The following AK5 variants were observed in gnomAD, a reference collection of about 807,000 sequenced individuals.
AK5 encodes the protein adenylate kinase 5.
A neutral mutation model predicts 69.5 loss-of-function variants in AK5; 27 were observed. The observed-to-expected ratio is 0.39, with a 90% CI of 0.29 to 0.54. The LOEUF (loss-of-function observed/expected upper bound fraction) is 0.54. Ranked by LOEUF, AK5 falls within the 20% of genes least tolerant of loss-of-function variation. The pLI is 0.71. For missense variants in AK5, 531 were observed against 700.4 expected (o/e 0.76, Z 2.73); for synonymous variants, 260 against 244.4 (o/e 1.06, Z -0.60).
intron 8 of AK5, chr1:77,417,941 G>C (rs1557577262): frequency 2.6e-6 from 1 of 391,360 alleles, no homozygotes; most frequent in East Asian, 5.4e-5. Context: ...TTAAAGAAAG[G>C]TTTATCATCA....
At chr1:77,344,755 T>C (rs1246532452) in intron 6 of AK5, among the ~76,000 whole-genome samples, 1 of 152,124 alleles carries the variant, frequency 6.6e-6, no homozygotes, top group Non-Finnish European at 1.5e-5. Context: ...TTTTAATTTA[T>C]ATTTATTGTA....
chr1:77,331,095 A>G (rs185628431), intron 5 of AK5, among the ~76,000 whole-genome samples: 24 of 152,202 alleles, frequency 1.6e-4, no homozygotes, highest in African/African-American at 5.5e-4. Context: ...TATGCAGACC[A>G]TGCTAAATTT....
intron 8 of AK5, among the ~76,000 whole-genome samples, chr1:77,469,878 T>A (rs962210247): frequency 1.2e-4 from 19 of 152,092 alleles, no homozygotes; most frequent in Non-Finnish European, 2.6e-4. Flanking sequence ...CGGGGGAAAA[T>A]AATCACCTCT....
At chr1:77,546,394 C>G (rs1659545688) in intron 13 of AK5, among the ~76,000 whole-genome samples, 3 of 152,144 alleles carry the variant, frequency 2.0e-5, no homozygotes, top group Admixed American at 2.0e-4. Flanking sequence ...CTGGGCATCT[C>G]TAAGGTCCAA....
At position 77,363,202 on chromosome 1, in the gene AK5, C is replaced by T. The variant is rs187864041; in HGVS notation, c.891+22634C>T. Among the ~76,000 whole-genome samples the T allele has an allele frequency of 2.6e-5, 4 of 152,306 alleles. No individual in the cohort carries two copies. The East Asian group carries it at 7.7e-4, about 29-fold the overall frequency. On this transcript the variant is annotated intron_variant, in intron 6 of 13. Transcript: ENST00000354567. Reference sequence around the variant, plus strand: ...ACAACCCTATGCTACTACCAGTCTTCTCCATTTCTGTTGGTGGCACCTCTA... The same window carrying T: ...ACAACCCTATGCTACTACCAGTCTTTTCCATTTCTGTTGGTGGCACCTCTA...
chr1:77,340,650 CCTCTTTACCTTAAAA>C, intron 6 of AK5, 82 bp downstream of exon 6: 2 of 1,331,272 alleles, frequency 1.5e-6, no homozygotes, highest in African/African-American at 2.9e-5. Flanking sequence ...ATGTAGAAAT[CCTCTTTACCTTAAAA>C]AGTGGCTTTT....
At chr1:77,395,147 CT>C (rs1648748245) in intron 6 of AK5, among the ~76,000 whole-genome samples, 1 of 151,926 alleles carries the variant, frequency 6.6e-6, no homozygotes, top group African/African-American at 2.4e-5. Flanking sequence ...AAGAATGGAG[CT>C]TTGTTTGGAA....
At chr1:77,446,733 T>C (rs1652780129) in intron 8 of AK5, among the ~76,000 whole-genome samples, 5 of 152,328 alleles carry the variant, frequency 3.3e-5, no homozygotes, top group African/African-American at 1.2e-4. Context: ...ATTGTTCAGG[T>C]CATTGGTCAA....
At chr1:77,368,435 T>A (rs1045693351) in intron 6 of AK5, among the ~76,000 whole-genome samples, 70 of 146,402 alleles carry the variant, frequency 4.8e-4, no homozygotes, top group African/African-American at 1.7e-3. Flanking sequence ...ATGTTGTACA[T>A]GAAACAAGGT....
At chr1:77,382,624 A>T (rs1483857001) in intron 6 of AK5, among the ~76,000 whole-genome samples, 4 of 152,204 alleles carry the variant, frequency 2.6e-5, no homozygotes, top group Non-Finnish European at 5.9e-5. Context: ...TGTTGATATT[A>T]CAGGCATAAG....
rs1354704445 is a variant in AK5, at chr1:77,293,956, T to C, written c.411T>C (p.Val137=). The C allele has an allele frequency of 3.7e-6, 6 of 1,611,068 alleles. No individual in the cohort carries two copies. The highest frequency in any genetic ancestry group is 5.1e-6 in the Non-Finnish European group (6 of 1,179,098). Residue 137 remains valine (V), a synonymous_variant, in exon 3 of 14, where the codon GTT becomes GTC. Transcript: ENST00000354567. ...PTRPRPKIIL[V]IGGPGSGKGT... is the part of the protein sequence containing the mutation. ...GACCTCGACCAAAAATCATTCTTGTTATAGGTATGAGGACAGAAAGCAAAA... is the reference window on the plus strand; with the variant it reads ...GACCTCGACCAAAAATCATTCTTGTCATAGGTATGAGGACAGAAAGCAAAA...
chr1:77,422,159 A>C (rs1650859016), intron 8 of AK5, among the ~76,000 whole-genome samples: 1 of 152,018 alleles, frequency 6.6e-6, no homozygotes, highest in African/African-American at 2.4e-5. Flanking sequence ...CATCAGTTTG[A>C]TCAAGAAGCT....
chr1:77,290,384 A>G (rs1223992196), intron 2 of AK5, among the ~76,000 whole-genome samples: 1 of 152,224 alleles, frequency 6.6e-6, no homozygotes, highest in African/African-American at 2.4e-5. Flanking sequence ...ATTTTTGAAA[A>G]AATATTGCCA....
intron 7 of AK5, among the ~76,000 whole-genome samples, chr1:77,417,254 C>G (rs1170087076): frequency 1.3e-5 from 2 of 151,986 alleles, no homozygotes; most frequent in Non-Finnish European, 2.9e-5. Context: ...GAAACTGCTC[C>G]CCCTCCTGGA....
At chr1:77,469,021 G>T (rs377215035) in intron 8 of AK5, among the ~76,000 whole-genome samples, 1 of 152,216 alleles carries the variant, frequency 6.6e-6, no homozygotes, top group Non-Finnish European at 1.5e-5. Context: ...AAGGATTTTC[G>T]AATATTGTTT....
At chr1:77,367,855 A>ACATATAT (rs1491209079) in intron 6 of AK5, among the ~76,000 whole-genome samples, 1 of 1,554 alleles carries the variant, frequency 6.4e-4, no homozygotes, top group Non-Finnish European at 1.5e-3. Flanking sequence ...ATTATATATA[A>ACATATAT]TATATAATAT....
At chr1:77,314,052 A>G in intron 5 of AK5, 2 of 366,366 alleles carry the variant, frequency 5.5e-6, no homozygotes, top group Non-Finnish European at 1.1e-5. Context: ...AATATTGAAC[A>G]TATATTGAGA....
At chr1:77,288,060 A>G (rs1277894312) in intron 2 of AK5, among the ~76,000 whole-genome samples, 1 of 152,226 alleles carries the variant, frequency 6.6e-6, no homozygotes, top group Non-Finnish European at 1.5e-5. Flanking sequence ...GCATCTACTG[A>G]ATGCAATGTA....
chr1:77,391,309 A>G (rs1455769915), intron 6 of AK5, among the ~76,000 whole-genome samples: 1 of 151,482 alleles, frequency 6.6e-6, no homozygotes, highest in Non-Finnish European at 1.5e-5. Context: ...TTAGCTGCCA[A>G]CACTCACAGC....
Sources: gnomAD v4.1 joint callset for allele counts (sites outside exome capture counted in the v4.1 genomes callset) on GRCh38, gnomAD v4.1.1 for gene constraint, MANE v1.5 for transcripts, NCBI Gene and HGNC (gene_info 2026-07-23, HGNC 2026-07-21) for gene names.